Variants in PRRC2B observed in about 807,000 individuals in gnomAD.
PRRC2B encodes the protein protein PRRC2B.
A neutral mutation model predicts 242.3 loss-of-function variants in PRRC2B; 68 were observed. The ratio of observed to expected loss-of-function variants is 0.28; its 90% confidence interval spans 0.23 to 0.34. The LOEUF (loss-of-function observed/expected upper bound fraction) is 0.34, where lower values mean the gene tolerates loss of function less well. Ranked by LOEUF, PRRC2B falls within the 10% of genes least tolerant of loss-of-function variation. PRRC2B has a pLI of 1.00. For missense variants in PRRC2B, 2,835 were observed against 2,954.8 expected (o/e 0.96, Z 0.94); for synonymous variants, 1,228 against 1,173.6 (o/e 1.05, Z -0.95).
At chr9:131,428,221 A>G (rs137922883) in intron 1 of PRRC2B, among the ~76,000 whole-genome samples, 144 of 151,792 alleles carry the variant, frequency 9.5e-4, no homozygotes, top group African/African-American at 3.4e-3. Flanking sequence ...TGCCCGGCCT[A>G]CAAGTTTTGT....
At chr9:131,470,136 C>T (rs965999511) in intron 13 of PRRC2B, among the ~76,000 whole-genome samples, 4 of 152,140 alleles carry the variant, frequency 2.6e-5, no homozygotes, top group Admixed American at 6.5e-5. Flanking sequence ...ATATATGGAG[C>T]AGAAAGTGGA....
chr9:131,446,054 T>G lies in PRRC2B; in HGVS notation c.614-347T>G, dbSNP rs988776118. 1.3e-5 allele frequency among the ~76,000 whole-genome samples: 2 copies of G among 152,210 alleles called. No homozygotes were observed. Among genetic ancestry groups the G allele is most frequent in the Non-Finnish European group, 2.9e-5 (2 of 68,032 alleles). ...TGACCCTAAGTGGGCTGGTCAGTGT[T>G]TGTTGAAGGAATGACCCAAGGCTGG... On this transcript the variant is annotated intron_variant, in intron 6 of 31. Transcript: ENST00000683519. The surrounding 1 kb of genome is among the most constrained non-coding windows in gnomAD (Gnocchi z 4.1).
Position 131,487,928 on chromosome 9 carries a change from G to A in PRRC2B, c.6057G>A (p.Lys2019=). Residue 2019 remains lysine (K), a synonymous_variant, in exon 28 of 32, where the codon AAG becomes AAA. Coordinates refer to ENST00000683519, the MANE Select transcript of PRRC2B (RefSeq NM_013318.4). This position sits in a 1 kb window ranked among gnomAD's most constrained non-coding sequence, Gnocchi z 5.3. ...TCCTCTCTGGGGGCACAGCCTTGAA[G>A]CCTCCATACTCGGCGTTCCCAGGCA... ...TMILSGGTAL[K]PPYSAFPGMQ... is the part of the protein sequence containing the mutation. The A allele has an allele frequency of 6.2e-7, 1 of 1,613,910 alleles. No homozygotes were observed. Among genetic ancestry groups the A allele is most frequent in the Non-Finnish European group, 8.5e-7 (1 of 1,179,834 alleles).
chr9:131,454,861 C>T (rs1251384505), intron 9 of PRRC2B, among the ~76,000 whole-genome samples: 1 of 149,454 alleles, frequency 6.7e-6, no homozygotes, highest in African/African-American at 2.6e-5. Context: ...GTCTCAAACT[C>T]CTGACCTCAT....
chr9:131,435,744 G>A (rs923172067), intron 3 of PRRC2B, among the ~76,000 whole-genome samples: 15 of 152,094 alleles, frequency 9.9e-5, no homozygotes, highest in Non-Finnish European at 2.1e-4. Flanking sequence ...CTCATTAAAA[G>A]CAAAAGGAAG....
intron 11 of PRRC2B, among the ~76,000 whole-genome samples, chr9:131,463,933 T>C (rs1943316359): frequency 1.3e-5 from 2 of 149,046 alleles, no homozygotes; most frequent in Non-Finnish European, 3.0e-5. Flanking sequence ...GTGCCTTTGC[T>C]AGACATGCTT....
At chr9:131,395,289 T>G (rs1213200449) in intron 1 of PRRC2B, among the ~76,000 whole-genome samples, 1 of 152,098 alleles carries the variant, frequency 6.6e-6, no homozygotes. Flanking sequence ...TCTTTAAGGT[T>G]TAGTGTGCAT....
chr9:131,486,269 T>G, intron 26 of PRRC2B, 87 bp downstream of exon 26: 1 of 983,260 alleles, frequency 1.0e-6, no homozygotes, highest in Non-Finnish European at 1.5e-6. Context: ...CTATTTCTCA[T>G]TGTCTGTCTG....
At chr9:131,374,727 A>C (rs1475909563) in intron 1 of PRRC2B, among the ~76,000 whole-genome samples, 1 of 151,966 alleles carries the variant, frequency 6.6e-6, no homozygotes. Flanking sequence ...GGGTTTCTCC[A>C]TGTTGGCCAG....
intron 1 of PRRC2B, among the ~76,000 whole-genome samples, chr9:131,401,620 G>A (rs1054073188): frequency 6.6e-6 from 1 of 151,582 alleles, no homozygotes; most frequent in African/African-American, 2.4e-5. Flanking sequence ...CAAAGTGCTG[G>A]GATTACCGGC....
chr9:131,457,017 A>G (rs1164826856), intron 10 of PRRC2B, among the ~76,000 whole-genome samples: 2 of 152,188 alleles, frequency 1.3e-5, no homozygotes, highest in Non-Finnish European at 2.9e-5. Flanking sequence ...TTTCTTGTCA[A>G]TAACTGAATA....
intron 23 of PRRC2B, among the ~76,000 whole-genome samples, chr9:131,483,803 G>A (rs1285229842): frequency 2.6e-5 from 4 of 152,150 alleles, no homozygotes; most frequent in Admixed American, 6.5e-5. Context: ...GGTCCCTGCC[G>A]CCTGCAATCT....
chr9:131,416,169 C>T (rs536056103), intron 1 of PRRC2B, among the ~76,000 whole-genome samples: 41 of 151,690 alleles, frequency 2.7e-4, no homozygotes, highest in Non-Finnish European at 4.7e-4. Context: ...AGTGCAGTGG[C>T]GCCATCTCGG....
Position 131,461,466 on chromosome 9 carries a change from G to A in PRRC2B, c.1404+2110G>A, listed in dbSNP as rs544067459. ...CTCTGGGACTGGACTGTTGAGGAGT[G>A]GGAGGGCTGGGGAAGGGGGAGTCAT... On this transcript the variant is annotated intron_variant, in intron 11 of 31. Transcript: ENST00000683519. Among the ~76,000 whole-genome samples, 210 of 152,320 alleles carry A rather than the reference G, an allele frequency of 1.4e-3. 1 individual carries two copies. Among genetic ancestry groups the A allele is most frequent in the African/African-American group, 4.4e-3 (185 of 41,580 alleles).
At chr9:131,394,773 GTT>G (rs901474373) in intron 1 of PRRC2B, among the ~76,000 whole-genome samples, 28 of 151,790 alleles carry the variant, frequency 1.8e-4, no homozygotes, top group Non-Finnish European at 3.7e-4. Flanking sequence ...TCGCGGGGCC[GTT>G]CCTGGCGCGG....
chr9:131,389,477 T>C (rs1836870942), upstream of PRRC2B, among the ~76,000 whole-genome samples: 1 of 150,680 alleles, frequency 6.6e-6, no homozygotes, highest in Admixed American at 6.9e-5. Flanking sequence ...CTGAACTTTC[T>C]GATGCTCTAT....
At chr9:131,484,139 A>G (rs768907347) in intron 23 of PRRC2B, among the ~76,000 whole-genome samples, 19 of 152,178 alleles carry the variant, frequency 1.2e-4, no homozygotes, top group Non-Finnish European at 2.6e-4. Flanking sequence ...ATGCAGATGG[A>G]CACCGGGGAT....
intron 10 of PRRC2B, among the ~76,000 whole-genome samples, chr9:131,458,476 C>T (rs898061463): frequency 4.7e-5 from 7 of 148,514 alleles, no homozygotes; most frequent in Admixed American, 6.8e-5. Context: ...GAAAAAGTTA[C>T]GAAAAAATAC....
At chr9:131,423,294 CTCT>C (rs1837893916) in intron 1 of PRRC2B, among the ~76,000 whole-genome samples, 1 of 152,224 alleles carries the variant, frequency 6.6e-6, no homozygotes, top group Non-Finnish European at 1.5e-5. Context: ...GAGAGCTGTT[CTCT>C]TGCCTCAGCC....
Sources: gnomAD v4.1 joint callset for allele counts (sites outside exome capture counted in the v4.1 genomes callset) on GRCh38, gnomAD v4.1.1 for gene constraint, Gnocchi (gnomAD v3.1) non-coding constraint, MANE v1.5 for transcripts, NCBI Gene and HGNC (gene_info 2026-07-23, HGNC 2026-07-21) for gene names.